The following ZNF214 variants were observed in gnomAD, a reference collection of about 807,000 sequenced individuals.
ZNF214 encodes the protein zinc finger protein 214.
A neutral mutation model predicts 53.9 loss-of-function variants in ZNF214; 43 were observed. The ratio of observed to expected loss-of-function variants is 0.80; its 90% confidence interval spans 0.63 to 1.03. The LOEUF (loss-of-function observed/expected upper bound fraction) is 1.03, where lower values mean the gene tolerates loss of function less well. ZNF214 is among the 50% of genes least tolerant of loss of function. The pLI is 0.00. For synonymous variants in ZNF214, 217 were observed against 229.5 expected, an observed-to-expected ratio of 0.95 and a Z score of 0.49; for missense variants, 724 against 719.1, an observed-to-expected ratio of 1.01 and a Z score of -0.08.
At chr11:7,009,645 C>T (rs1258845820) in intron 1 of ZNF214, among the ~76,000 whole-genome samples, 3 of 152,174 alleles carry the variant, frequency 2.0e-5, no homozygotes, top group African/African-American at 7.2e-5. Context: ...AGACAACATA[C>T]AGAATGGGAG....
chr11:7,005,648 G>A (rs535061914), intron 1 of ZNF214, among the ~76,000 whole-genome samples: 8 of 152,132 alleles, frequency 5.3e-5, no homozygotes, highest in Non-Finnish European at 7.4e-5. Flanking sequence ...GTACATTTTA[G>A]TTAGCTAAAC....
chr11:7,004,739 T>C (rs1220437926), intron 1 of ZNF214, among the ~76,000 whole-genome samples: 1 of 152,040 alleles, frequency 6.6e-6, no homozygotes, highest in Non-Finnish European at 1.5e-5. Context: ...AAATGAGACA[T>C]CTTGCCAACA....
At position 7,007,577 on chromosome 11, in the gene ZNF214, T is replaced by C. The variant is rs1186919326; in HGVS notation, c.-20-4722A>G. Among the ~76,000 whole-genome samples, 4 of 151,732 alleles carry C rather than the reference T, an allele frequency of 2.6e-5. No individual in the cohort carries two copies. In the South Asian group the frequency reaches 6.2e-4, roughly 24 times the overall value. Reference sequence around the variant, plus strand: ...TTTATATGAACAGTAGGAAAAAATATCCAAAATAAATTGAATCCACAGATA... The same window carrying C: ...TTTATATGAACAGTAGGAAAAAATACCCAAAATAAATTGAATCCACAGATA... On this transcript the variant is annotated intron_variant, in intron 1 of 2. Transcript: ENST00000278314.
Position 7,006,069 on chromosome 11 carries a change from T to C in ZNF214, c.-20-3214A>G, listed in dbSNP as rs528719336. On this transcript the variant is annotated intron_variant, in intron 1 of 2. Transcript: ENST00000278314. ...CACTGATTCTTACATACTGGATGGA[T>C]TGCAATTAAATTGCAGTCATTTTTC... is the stretch of plus-strand genomic sequence containing the variant. Among the ~76,000 whole-genome samples the C allele has an allele frequency of 2.6e-5, 4 of 152,196 alleles. No individual in the cohort carries two copies. The South Asian group carries it at 8.3e-4, about 32-fold the overall frequency.
In ZNF214 at chr11:7,001,332, C is replaced by G; in HGVS notation, c.351G>C (p.Gly117=). Residue 117 remains glycine, a synonymous_variant, in exon 3 of 3, where the codon GGG becomes GGC. Transcript: ENST00000278314. ...LILSTQVPGY[G]NYELTFESKS... ...TGCTTTCAAAAGTCAGTTCATAGTT[C>G]CCATACCCTGGTACTTGTGTGGAGA... 1 of 1,613,042 alleles carries G rather than the reference C, an allele frequency of 6.2e-7. No individual in the cohort carries two copies. Among genetic ancestry groups the G allele is most frequent in the Non-Finnish European group, 8.5e-7 (1 of 1,179,376 alleles).
rs1400705386 is a variant in ZNF214 at position 7,000,122 on chromosome 11, T to C, written c.1561A>G (p.Thr521Ala). The change falls in exon 3 of 3, where the codon ACA becomes GCA. Residue 521 changes from threonine to alanine, a missense_variant. Physicochemically the swap from Thr to Ala is moderately conservative, Grantham distance 58. Transcript: ENST00000278314. The part of the protein sequence containing the change: ...SHLLIHQRVH[T>A]GEKPYKCHDC... ...TGACATTTATAGGGCTTTTCTCCTG[T>C]ATGGACTCTCTGATGAATGAGAAGA... 1 of 1,613,400 alleles carries C rather than the reference T, an allele frequency of 6.2e-7. No homozygotes were observed. The highest frequency in any genetic ancestry group is 8.5e-7 in the Non-Finnish European group (1 of 1,179,606).
chr11:7,006,898 G>A (rs1851483200), intron 1 of ZNF214, among the ~76,000 whole-genome samples: 1 of 152,030 alleles, frequency 6.6e-6, no homozygotes, highest in Non-Finnish European at 1.5e-5. Context: ...CAATTAAGAA[G>A]AGAAACTAAT....
At chr11:7,003,862 T>C (rs1172339999) in intron 1 of ZNF214, among the ~76,000 whole-genome samples, 1 of 151,944 alleles carries the variant, frequency 6.6e-6, no homozygotes, top group Non-Finnish European at 1.5e-5. Context: ...GAGCCATGTA[T>C]TTAAATACCT....
rs1317886205 is a variant in ZNF214, at chr11:7,000,171, G to A, written c.1512C>T (p.Gly504=). 1.2e-6 allele frequency: 2 copies of A among 1,612,314 alleles called. No homozygotes were observed. The highest frequency in any genetic ancestry group is 1.7e-6 in the Non-Finnish European group (2 of 1,179,350). Residue 504 remains glycine (G), a synonymous_variant, in exon 3 of 3, where the codon GGC becomes GGT. Coordinates refer to ENST00000278314, the MANE Select transcript of ZNF214 (RefSeq NM_013249.4). ...GATGTGAACGCTGACTGAATCCCTT[G>A]CCACACTCTTCACATTTGTAGGGTT... The part of the protein sequence containing the change: ...GEKPYKCEEC[G]KGFSQRSHLL...
Position 7,001,083 on chromosome 11 carries a change from A to G in ZNF214, c.600T>C (p.Tyr200=), listed in dbSNP as rs1851332886. The G allele has an allele frequency of 4.3e-6, 7 of 1,613,292 alleles. No individual in the cohort carries two copies. In the African/African-American group the frequency reaches 5.3e-5, roughly 12 times the overall value. ...YIPVEEALPQ[Y]VGVICQEDLL... ...GGTCTTCTTGACATATCACCCCAACATACTGTGGAAGGGCTTCCTCCACTG... is the reference window on the plus strand; with the variant it reads ...GGTCTTCTTGACATATCACCCCAACGTACTGTGGAAGGGCTTCCTCCACTG... The change falls in exon 3 of 3, where the codon TAT becomes TAC. Residue 200 remains tyrosine (Y), a synonymous_variant. Transcript: ENST00000278314.
intron 1 of ZNF214, among the ~76,000 whole-genome samples, chr11:7,013,574 A>G (rs1246738463): frequency 6.6e-6 from 1 of 152,158 alleles, no homozygotes; most frequent in Non-Finnish European, 1.5e-5. Flanking sequence ...TCTCTGTTGG[A>G]TTACCAATAA....
At chr11:7,016,605 G>C (rs1851776038) in intron 1 of ZNF214, among the ~76,000 whole-genome samples, 1 of 152,124 alleles carries the variant, frequency 6.6e-6, no homozygotes. Flanking sequence ...TGTAAGAATT[G>C]AGAAGAGGCT....
intron 2 of ZNF214, 72 bp from the exon 3 acceptor site, chr11:7,001,627 A>G (rs779856087): frequency 1.1e-5 from 17 of 1,479,684 alleles, no homozygotes; most frequent in African/African-American, 2.8e-5. Flanking sequence ...ATCTAAATCA[A>G]TGACCTTTAA....
chr11:7,001,677 G>T, intron 2 of ZNF214, 122 bp from the exon 3 acceptor site: 1 of 1,135,274 alleles, frequency 8.8e-7, no homozygotes, highest in Non-Finnish European at 1.2e-6. Context: ...AGGAAAGAAG[G>T]GTTATGACTC....
Position 7,000,523 on chromosome 11 carries a change from T to G in ZNF214, c.1160A>C (p.Lys387Thr), listed in dbSNP as rs1215201338. The G allele has an allele frequency of 6.2e-7, 1 of 1,612,332 alleles. No individual in the cohort carries two copies. The highest frequency in any genetic ancestry group is 1.3e-5 in the African/African-American group (1 of 74,922). The change falls in exon 3 of 3, where the codon AAG becomes ACG. Residue 387 changes from lysine (K) to threonine (T), a missense_variant. Coordinates refer to ENST00000278314, the MANE Select transcript of ZNF214 (RefSeq NM_013249.4). ...QRVHTGEKPY[K>T]CDECGKGFSQ... is the part of the protein sequence containing the mutation. ...GAAACCCTTACCACACTCATCACACTTATATGGTTTTTCTCCTGTGTGGAC... is the reference window on the plus strand; with the variant it reads ...GAAACCCTTACCACACTCATCACACGTATATGGTTTTTCTCCTGTGTGGAC...
chr11:7,013,542 C>T (rs1195116633), intron 1 of ZNF214, among the ~76,000 whole-genome samples: 1 of 152,214 alleles, frequency 6.6e-6, no homozygotes, highest in Non-Finnish European at 1.5e-5. Context: ...TCCTTTTGAC[C>T]TCCACATTCT....
Position 7,001,292 on chromosome 11 carries a change from A to C in ZNF214, c.391T>G (p.Leu131Val). Residue 131 changes from leucine to valine, a missense_variant, in exon 3 of 3, where the codon TTA becomes GTA. Leu to Val is a conservative substitution (Grantham distance 32). Transcript: ENST00000278314. ...CAAGGCATAAAATTTTTATATTTTA[A>C]GTTCCTGAGACTTTTGCTTTCAAAA... ...LTFESKSLRNLKYKNFMPWQS... is the reference protein window; with the variant it reads ...LTFESKSLRNVKYKNFMPWQS... The C allele has an allele frequency of 6.2e-7, 1 of 1,613,230 alleles. No individual in the cohort carries two copies. Among genetic ancestry groups the C allele is most frequent in the Non-Finnish European group, 8.5e-7 (1 of 1,179,476 alleles).
chr11:7,014,605 T>C (rs1341724198), intron 1 of ZNF214, among the ~76,000 whole-genome samples: 1 of 152,070 alleles, frequency 6.6e-6, no homozygotes, highest in Non-Finnish European at 1.5e-5. Context: ...ACATTTAAGA[T>C]AGTGGCTGCC....
At position 7,000,288 on chromosome 11, in the gene ZNF214, T is replaced by C. The variant is rs1458948411; in HGVS notation, c.1395A>G (p.Thr465=). The C allele has an allele frequency of 1.8e-5, 29 of 1,613,330 alleles. No homozygotes were observed. Among genetic ancestry groups the C allele is most frequent in the Non-Finnish European group, 2.3e-5 (27 of 1,179,566 alleles). The change falls in exon 3 of 3, where the codon ACA becomes ACG. Residue 465 remains threonine (T), a synonymous_variant. Coordinates refer to ENST00000278314, the MANE Select transcript of ZNF214 (RefSeq NM_013249.4). ...CAGGACAAGTATAGGGTTTCTCCCC[T>C]GTATGGACTCTCTGATGAATGCGAA... is the stretch of plus-strand genomic sequence containing the variant. ...SDLRIHQRVH[T]GEKPYTCPEC...
Sources: allele counts gnomAD v4.1 joint callset (sites outside exome capture counted in the v4.1 genomes callset), GRCh38; gene constraint gnomAD v4.1.1; transcripts MANE v1.5; gene names NCBI Gene and HGNC (gene_info 2026-07-23, HGNC 2026-07-21).